The following TLCD3B variants were observed in gnomAD, a reference collection of about 807,000 sequenced individuals.
The protein encoded by TLCD3B is TLC domain containing 3B.
TLCD3B carries 9 observed loss-of-function variants against 23.0 expected under a neutral mutation model. The observed-to-expected ratio is 0.39, with a 90% CI of 0.24 to 0.68. The LOEUF is 0.68. Ranked by LOEUF, TLCD3B falls within the 30% of genes least tolerant of loss-of-function variation. TLCD3B has a pLI of 0.44. For missense variants in TLCD3B, 307 were observed against 371.8 expected, an observed-to-expected ratio of 0.83 and a Z score of 1.43; for synonymous variants, 161 against 161.0, an observed-to-expected ratio of 1.00 and a Z score of 0.00.
chr16:30,050,195 C>T (rs1011534478), intron 1 of TLCD3B, among the ~76,000 whole-genome samples: 3 of 152,122 alleles, frequency 2.0e-5, no homozygotes, highest in African/African-American at 7.2e-5. Context: ...TTTTGTAGGG[C>T]TGAGGTGAGA....
Position 30,026,706 on chromosome 16 carries a change from C to T in TLCD3B, c.347G>A (p.Gly116Asp), listed in dbSNP as rs748307837. Residue 116 changes from glycine to aspartate, a missense_variant, in exon 3 of 5, where the codon GGC becomes GAC. Transcript: ENST00000380495. Reference sequence around the variant, plus strand: ...GCCACGCGCTATGGCCCACGTGCTGCCCGGGGCTCTGGCCGCTCCGTCGTC... The same window carrying T: ...GCCACGCGCTATGGCCCACGTGCTGTCCGGGGCTCTGGCCGCTCCGTCGTC... ...GGDDGAARAP[G>D]STWAIARGYL... 3 of 1,613,898 alleles carry T rather than the reference C, an allele frequency of 1.9e-6. No homozygotes were observed. Among genetic ancestry groups the T allele is most frequent in the Non-Finnish European group, 1.7e-6 (2 of 1,180,040 alleles).
chr16:30,026,834 C>T lies in TLCD3B; in HGVS notation c.219G>A (p.Leu73=). 6.2e-7 allele frequency: 1 copy of T among 1,613,844 alleles called. No individual in the cohort carries two copies. The highest frequency in any genetic ancestry group is 8.5e-7 in the Non-Finnish European group (1 of 1,179,916). ...CAGCAAATTGCGTGTAGGCAGAGGA[C>T]AGCCAGTGTCTGTTGGGCAGAGAGA... The part of the protein sequence containing the change: ...CKHIIDDQHW[L]SSAYTQFAVP... The change falls in exon 3 of 5, where the codon CTG becomes CTA. Residue 73 remains leucine (L), a synonymous_variant. Transcript: ENST00000380495.
At chr16:30,045,451 G>C (rs1208873712) in intron 2 of TLCD3B, among the ~76,000 whole-genome samples, 1 of 140,808 alleles carries the variant, frequency 7.1e-6, no homozygotes, top group Non-Finnish European at 1.5e-5. Context: ...TGTGGTGCAT[G>C]TGTGGTGTGT....
At chr16:30,037,157 C>T (rs2071489941) in intron 3 of TLCD3B, among the ~76,000 whole-genome samples, 1 of 150,658 alleles carries the variant, frequency 6.6e-6, no homozygotes, top group Non-Finnish European at 1.5e-5. Flanking sequence ...CTGGAATCCC[C>T]GCACCTCAGA....
chr16:30,026,166 C>T (rs996248434), intron 3 of TLCD3B, among the ~76,000 whole-genome samples: 3 of 149,158 alleles, frequency 2.0e-5, no homozygotes, highest in South Asian at 2.1e-4. Flanking sequence ...ACTCAGGAGG[C>T]GGAGGTTTCA....
intron 1 of TLCD3B, chr16:30,046,497 C>T (rs1357039007): frequency 2.0e-5 from 3 of 152,214 alleles, no homozygotes; most frequent in African/African-American, 7.2e-5. Context: ...TCCGATTCCC[C>T]CCGCCTGGGC....
At chr16:30,030,156 G>T in intron 1 of TLCD3B, 2 of 1,483,526 alleles carry the variant, frequency 1.3e-6, no homozygotes, top group Non-Finnish European at 1.8e-6. Flanking sequence ...AGGGTGGGAG[G>T]GTGTACGGGG....
Position 30,030,882 on chromosome 16 carries a change from A to C in TLCD3B, c.-355T>G, listed in dbSNP as rs1399414424. Reference sequence around the variant, plus strand: ...GGATGGGGGAGGGGAGGGAGCCACCAGGCAGGTGGGGAGGGGAGGCTTACG... The same window carrying C: ...GGATGGGGGAGGGGAGGGAGCCACCCGGCAGGTGGGGAGGGGAGGCTTACG... On this transcript the variant is annotated 5_prime_UTR_variant, in exon 1 of 5. Coordinates refer to ENST00000380495, the MANE Select transcript of TLCD3B (RefSeq NM_031478.6). 33 of 319,284 alleles carry C rather than the reference A, an allele frequency of 1.0e-4. No homozygotes were observed. The highest frequency in any genetic ancestry group is 1.9e-4 in the Admixed American group (2 of 10,658). The allele number at this position is 319,284 out of a possible 1,614,324, so 19.8% of individuals were successfully genotyped here.
intron 3 of TLCD3B, among the ~76,000 whole-genome samples, chr16:30,039,719 C>G (rs1332348243): frequency 6.6e-6 from 1 of 151,778 alleles, no homozygotes; most frequent in East Asian, 2.0e-4. Flanking sequence ...TCAAGCAATC[C>G]CCTTGCCTTG....
rs570711177 is a variant in TLCD3B, at chr16:30,024,984, G to A, written c.*199C>T. The A allele has an allele frequency of 3.9e-6, 2 of 511,644 alleles. No homozygotes were observed. Among genetic ancestry groups the A allele is most frequent in the Non-Finnish European group, 6.8e-6 (2 of 294,046 alleles). 31.7% of individuals were successfully genotyped at this position (511,644 alleles called of 1,614,324 possible). A position where few individuals can be genotyped will look rare whatever the true frequency, so the allele number is the denominator to read the frequency against. On this transcript the variant is annotated 3_prime_UTR_variant, in exon 5 of 5. Transcript: ENST00000380495. ...CTCCAGCGCAAGGGTGTGCAGGAAG[G>A]GGGCAGAGTAGGGGGAAGAGGTCCC...
upstream of TLCD3B, chr16:30,032,583 A>G (rs1191925469): frequency 6.7e-6 from 1 of 149,948 alleles, no homozygotes; most frequent in Admixed American, 6.6e-5. Flanking sequence ...GGTGATTTCT[A>G]CTGGTTCTTA....
rs1445496478 is a variant in TLCD3B at position 30,024,781 on chromosome 16, G to T, written c.*402C>A. On this transcript the variant is annotated 3_prime_UTR_variant, in exon 5 of 5. Coordinates refer to ENST00000380495, the MANE Select transcript of TLCD3B (RefSeq NM_031478.6). ...CCGAGGGCCAGCGGGGGTTAGTTGG[G>T]GCGTCCTCTCCTCTCGGGTGATGGG... is the stretch of plus-strand genomic sequence containing the variant. 4.9e-6 allele frequency: 1 copy of T among 203,922 alleles called. No homozygotes were observed. Among genetic ancestry groups the T allele is most frequent in the Non-Finnish European group, 9.7e-6 (1 of 103,134 alleles). 12.6% of individuals were successfully genotyped at this position (203,922 alleles called of 1,614,324 possible). A position where few individuals can be genotyped will look rare whatever the true frequency, so the allele number is the denominator to read the frequency against.
At chr16:30,043,373 A>G (rs1596774835) in intron 2 of TLCD3B, among the ~76,000 whole-genome samples, 1 of 150,158 alleles carries the variant, frequency 6.7e-6, no homozygotes, top group South Asian at 2.1e-4. Context: ...ACAGGCTCTC[A>G]GGCTCATCAC....
chr16:30,027,813 T>C (rs2150979047), intron 2 of TLCD3B: 1 of 374,356 alleles, frequency 2.7e-6, no homozygotes. Flanking sequence ...AGGCAGGACC[T>C]GGGGTGCTCG....
At position 30,024,591 on chromosome 16, in the gene TLCD3B, G is replaced by GC; in HGVS notation, c.*591dup. On this transcript the variant is annotated 3_prime_UTR_variant, in exon 5 of 5. Transcript: ENST00000380495. ...GGTGAGGGACTGGGCGCCCTCGCCT[G>GC]CCCCCGGGGTTGTCAGCACTGGGAA... The GC allele has an allele frequency of 3.2e-6, 1 of 310,750 alleles. No homozygotes were observed. Among genetic ancestry groups the GC allele is most frequent in the Non-Finnish European group, 6.0e-6 (1 of 167,944 alleles). The allele number at this position is 310,750 out of a possible 1,614,324, so 19.2% of individuals were successfully genotyped here. A position where few individuals can be genotyped will look rare whatever the true frequency, so the allele number is the denominator to read the frequency against.
rs2150971745 is a variant in TLCD3B, at chr16:30,025,278, G to A, written c.730C>T (p.Pro244Ser). Residue 244 changes from proline to serine, a missense_variant, in exon 5 of 5, where the codon CCT becomes TCT. Coordinates refer to ENST00000380495, the MANE Select transcript of TLCD3B (RefSeq NM_031478.6). The surrounding 1 kb of genome is among the most constrained non-coding windows in gnomAD (Gnocchi z 4.1). ...VNLGAALLLA[P>S]QLYWFFLICR... ...ATGAGGAAGAACCAGTAGAGCTGAG[G>A]GGCCAGGAGCAGCGCAGCGCCCAGG... 1 of 1,545,598 alleles carries A rather than the reference G, an allele frequency of 6.5e-7. No homozygotes were observed. The highest frequency in any genetic ancestry group is 1.2e-5 in the South Asian group (1 of 84,150).
chr16:30,026,261 C>G (rs1395059205), intron 3 of TLCD3B, among the ~76,000 whole-genome samples: 1 of 152,110 alleles, frequency 6.6e-6, no homozygotes, highest in African/African-American at 2.4e-5. Context: ...GAAAGAACAC[C>G]TGGGTGCAGG....
Position 30,031,198 on chromosome 16 carries a change from A to G in TLCD3B, c.-671T>C. 1 of 147,808 alleles carries G rather than the reference A, an allele frequency of 6.8e-6. No homozygotes were observed. Among genetic ancestry groups the G allele is most frequent in the Non-Finnish European group, 1.5e-5 (1 of 66,978 alleles). 9.2% of individuals were successfully genotyped at this position (147,808 alleles called of 1,614,324 possible). A position where few individuals can be genotyped will look rare whatever the true frequency, so the allele number is the denominator to read the frequency against. On this transcript the variant is annotated 5_prime_UTR_variant, in exon 1 of 5. Transcript: ENST00000380495. The stretch of plus-strand genomic sequence containing the variant: ...GTGGCCAGCTTGGGGAGGACGGGGG[A>G]GGGGCAGGAAAATGATGGCACCGAC...
At chr16:30,052,281 T>C (rs2151002548) in intron 1 of TLCD3B, among the ~76,000 whole-genome samples, 1 of 151,646 alleles carries the variant, frequency 6.6e-6, no homozygotes, top group East Asian at 1.9e-4. Flanking sequence ...GGCGGGAGAA[T>C]CGCTTGAACC....
Sources: gnomAD v4.1 joint callset for allele counts (sites outside exome capture counted in the v4.1 genomes callset) on GRCh38, gnomAD v4.1.1 for gene constraint, Gnocchi (gnomAD v3.1) non-coding constraint, MANE v1.5 for transcripts, NCBI Gene and HGNC (gene_info 2026-07-23, HGNC 2026-07-21) for gene names.